ICA1L: variants seen among roughly 807,000 people sequenced by gnomAD.
ICA1L encodes the protein islet cell autoantigen 1-like protein.
In ICA1L, 50 loss-of-function variants were observed where a neutral mutation model predicts 61.3. The ratio of observed to expected loss-of-function variants is 0.82; its 90% CI spans 0.65 to 1.03. The LOEUF is 1.03. Among genes scored for constraint, ICA1L ranks in the 50% least tolerant of loss-of-function variants. ICA1L has a pLI of 0.00. For synonymous variants in ICA1L, 161 were observed against 191.3 expected (o/e 0.84, Z 1.31); for missense variants, 508 against 556.7 (o/e 0.91, Z 0.88).
At chr2:202,833,732 TA>T in intron 1 of ICA1L, among the ~76,000 whole-genome samples, 1 of 152,288 alleles carries the variant, frequency 6.6e-6, no homozygotes, top group South Asian at 2.1e-4. Flanking sequence ...CTGAACATAT[TA>T]AAAAATATGG....
At position 202,779,643 on chromosome 2, in the gene ICA1L, T is replaced by TG. The variant is rs1481716220; in HGVS notation, c.1338dup (p.Asn447GlnfsTer31). 5.0e-6 allele frequency: 8 copies of TG among 1,595,300 alleles called. No individual in the cohort carries two copies. The highest frequency in any genetic ancestry group is 6.8e-6 in the Non-Finnish European group (8 of 1,168,538). ...GCTGACATGTCTTGGTTGCCATTGT[T>TG]GGGGGCTATTAAAAAAGAAAAAAAA... On this transcript the variant is annotated frameshift_variant, in exon 13 of 13. Coordinates refer to ENST00000358299, the MANE Select transcript of ICA1L (RefSeq NM_001288622.3). LOFTEE classifies it high-confidence loss of function.
chr2:202,820,100 G>A (rs1051095931), intron 4 of ICA1L: 8 of 550,568 alleles, frequency 1.5e-5, no homozygotes, highest in South Asian at 2.1e-5. Context: ...TTGGCCGGGC[G>A]CGGTGGCTGA....
chr2:202,842,933 G>A (rs1452112053), intron 1 of ICA1L, among the ~76,000 whole-genome samples: 1 of 151,694 alleles, frequency 6.6e-6, no homozygotes, highest in African/African-American at 2.4e-5. Context: ...GCTCTCTACT[G>A]CATTTTTTAG....
chr2:202,860,868 G>C (rs1381388343), intron 1 of ICA1L, among the ~76,000 whole-genome samples: 3 of 152,088 alleles, frequency 2.0e-5, no homozygotes, highest in Admixed American at 2.0e-4. Flanking sequence ...TGAAAAAACA[G>C]GTTTCAAGAT....
chr2:202,860,238 C>T (rs1694873840), intron 1 of ICA1L: 1 of 150,122 alleles, frequency 6.7e-6, no homozygotes, highest in Non-Finnish European at 1.5e-5. Flanking sequence ...TGCCACTGCA[C>T]TCCAGCCTGG....
chr2:202,825,324 T>G (rs115628302), intron 3 of ICA1L: 16,371 of 175,490 alleles, frequency 0.093, 899 homozygotes, highest in Non-Finnish European at 0.12. Flanking sequence ...ACAAAAATTA[T>G]CCAGGTATGG....
chr2:202,862,937 AC>A (rs1359672758), intron 1 of ICA1L, among the ~76,000 whole-genome samples: 1 of 152,140 alleles, frequency 6.6e-6, no homozygotes, highest in Non-Finnish European at 1.5e-5. Flanking sequence ...AAACATACCC[AC>A]AGTTGTGGAA....
At chr2:202,864,574 A>G (rs1179835956) in intron 1 of ICA1L, among the ~76,000 whole-genome samples, 4 of 151,880 alleles carry the variant, frequency 2.6e-5, no homozygotes, top group Non-Finnish European at 5.9e-5. Flanking sequence ...ATCCTAACAA[A>G]TCTAATGTAG....
chr2:202,853,458 CAT>C (rs1028063622), intron 1 of ICA1L, among the ~76,000 whole-genome samples: 3 of 151,982 alleles, frequency 2.0e-5, no homozygotes, highest in Admixed American at 1.3e-4. Flanking sequence ...GCAAGGACTT[CAT>C]GTCTAAAACA....
intron 12 of ICA1L, among the ~76,000 whole-genome samples, chr2:202,781,573 C>CAAA (rs200593045): frequency 1.9e-5 from 2 of 103,688 alleles, no homozygotes; most frequent in Non-Finnish European, 2.0e-5. Context: ...GACCCTGTCT[C>CAAA]AAAAAAAAAA....
chr2:202,817,581 C>T (rs72932772), intron 5 of ICA1L, 38 bp from the exon 6 acceptor site: 3 of 1,241,938 alleles, frequency 2.4e-6, no homozygotes, highest in Non-Finnish European at 2.3e-6. Context: ...CAGATATATA[C>T]TATAAATATA....
At chr2:202,831,722 G>GCA (rs1022672028) in intron 1 of ICA1L, among the ~76,000 whole-genome samples, 1 of 152,172 alleles carries the variant, frequency 6.6e-6, no homozygotes, top group African/African-American at 2.4e-5. Context: ...CCTGCAGAGG[G>GCA]CACACGTTCC....
chr2:202,847,695 T>TATATATATATATATATATA (rs1694501069), intron 1 of ICA1L, among the ~76,000 whole-genome samples: 2 of 102,230 alleles, frequency 2.0e-5, no homozygotes, highest in Admixed American at 9.6e-5. Flanking sequence ...TATATGGGAA[T>TATATATATATATATATATA]TATATATATA....
chr2:202,848,630 A>T (rs1694530448), intron 1 of ICA1L, among the ~76,000 whole-genome samples: 1 of 152,194 alleles, frequency 6.6e-6, no homozygotes. Context: ...CAGACCCCTG[A>T]TCTCAGCCAT....
chr2:202,786,273 G>A lies in ICA1L; in HGVS notation c.1244-266C>T, dbSNP rs140021044. Among the ~76,000 whole-genome samples the A allele has an allele frequency of 1.6e-3, 237 of 152,306 alleles. 2 individuals are homozygous for A. Among genetic ancestry groups the A allele is most frequent in the East Asian group, 0.014 (73 of 5,190 alleles). On this transcript the variant is annotated intron_variant, in intron 11 of 12. Transcript: ENST00000358299. Reference sequence around the variant, plus strand: ...GTTTAAAAAATAATTGAGGCCGGGCGCGGTGGCTCACGCCTGTAATCCCAG... The same window carrying A: ...GTTTAAAAAATAATTGAGGCCGGGCACGGTGGCTCACGCCTGTAATCCCAG...
rs575528732 is a variant in ICA1L, at chr2:202,789,411, G to A, written c.986-324C>T. On this transcript the variant is annotated intron_variant, in intron 10 of 12. Transcript: ENST00000358299. ...ATACGAGACTTTAATATACCACTCT[G>A]ACTAAAAAACAGGCCAAGAGGACAA... Among the ~76,000 whole-genome samples the A allele has an allele frequency of 5.3e-5, 8 of 152,142 alleles. No homozygotes were observed. The South Asian group carries it at 1.0e-3, about 20-fold the overall frequency.
At chr2:202,796,994 G>C in intron 9 of ICA1L, 30 bp from the exon 10 acceptor site, 1 of 1,453,552 alleles carries the variant, frequency 6.9e-7, no homozygotes, top group Non-Finnish European at 9.4e-7. Flanking sequence ...AAGAGAAGTT[G>C]AACAAGAAGA....
Position 202,816,860 on chromosome 2 carries a change from A to G in ICA1L, c.684+558T>C, listed in dbSNP as rs543933454. Among the ~76,000 whole-genome samples, 7 of 152,314 alleles carry G rather than the reference A, an allele frequency of 4.6e-5. No homozygotes were observed. The East Asian group carries it at 1.3e-3, about 29-fold the overall frequency. Reference sequence around the variant, plus strand: ...ATTCATTGTGTGTTACTTATATGTGATTTGTGGTACTATAAGCACAAGTGA... The same window carrying G: ...ATTCATTGTGTGTTACTTATATGTGGTTTGTGGTACTATAAGCACAAGTGA... On this transcript the variant is annotated intron_variant, in intron 6 of 12. Coordinates refer to ENST00000358299, the MANE Select transcript of ICA1L (RefSeq NM_001288622.3).
intron 1 of ICA1L, chr2:202,841,259 G>A (rs1694322115): frequency 9.6e-6 from 7 of 731,842 alleles, no homozygotes. Context: ...TGTTCTTGAA[G>A]TCTTCCACCA....
Sources: allele counts gnomAD v4.1 joint callset (sites outside exome capture counted in the v4.1 genomes callset), GRCh38; gene constraint gnomAD v4.1.1; transcripts MANE v1.5; gene names NCBI Gene and HGNC (gene_info 2026-07-23, HGNC 2026-07-21).